INSR: variants seen among roughly 807,000 people sequenced by gnomAD.
INSR encodes IR.
In INSR, 67 loss-of-function variants were observed where a neutral mutation model predicts 142.6. That is an observed-to-expected ratio of 0.47 (90% CI 0.39 to 0.58). INSR has a LOEUF of 0.58. INSR is among the 20% of genes least tolerant of loss of function. INSR has a pLI of 0.00. For synonymous variants in INSR, 756 were observed against 743.1 expected, an observed-to-expected ratio of 1.02 and a Z score of -0.28; for missense variants, 1,248 against 1,833.2, an observed-to-expected ratio of 0.68 and a Z score of 5.83.
At chr19:7,246,875 G>T (rs529681249) in intron 2 of INSR, among the ~76,000 whole-genome samples, 7 of 139,902 alleles carry the variant, frequency 5.0e-5, no homozygotes, top group South Asian at 4.2e-4. Context: ...TTTCAGGGTG[G>T]TTTGTTACAC....
At chr19:7,183,263 G>GGTGTGTGTGT (rs71177167) in intron 3 of INSR, among the ~76,000 whole-genome samples, 3,167 of 146,562 alleles carry the variant, frequency 0.022, 48 homozygotes, top group South Asian at 0.064. Context: ...GTTGTTTTGT[G>GGTGTGTGTGT]GTGTGTGTGT....
chr19:7,153,240 T>C (rs1316727197), intron 9 of INSR, among the ~76,000 whole-genome samples: 24 of 42,474 alleles, frequency 5.7e-4, no homozygotes, highest in African/African-American at 1.7e-3. Context: ...ACACACACCA[T>C]ACACGCACCA....
chr19:7,123,636 G>C (rs1015898745), intron 17 of INSR, among the ~76,000 whole-genome samples: 1 of 152,082 alleles, frequency 6.6e-6, no homozygotes, highest in Non-Finnish European at 1.5e-5. Context: ...AAAGGGTTTG[G>C]AGTCAGCTGG....
chr19:7,239,159 A>G (rs1221690818), intron 2 of INSR, among the ~76,000 whole-genome samples: 1 of 152,194 alleles, frequency 6.6e-6, no homozygotes, highest in Non-Finnish European at 1.5e-5. Context: ...TTCAAGTGAG[A>G]AAAGCAAAGC....
chr19:7,234,694 A>C (rs1209550557), intron 2 of INSR, among the ~76,000 whole-genome samples: 1 of 152,174 alleles, frequency 6.6e-6, no homozygotes, highest in African/African-American at 2.4e-5. Flanking sequence ...GGATCTAAGG[A>C]GGAGATTTCA....
chr19:7,292,570 C>T (rs1335162438), intron 1 of INSR, among the ~76,000 whole-genome samples: 1 of 152,024 alleles, frequency 6.6e-6, no homozygotes, highest in Non-Finnish European at 1.5e-5. Context: ...TACATGCACC[C>T]GTTTCCCCAT....
chr19:7,132,455 A>C, intron 13 of INSR, 138 bp from the exon 14 acceptor site: 1 of 889,706 alleles, frequency 1.1e-6, no homozygotes, highest in Non-Finnish European at 1.8e-6. Context: ...AAGACACATA[A>C]GCGACTTTGA....
Position 7,117,118 on chromosome 19 carries a change from G to A in INSR, c.4087C>T (p.His1363Tyr). 6.2e-7 allele frequency: 1 copy of A among 1,614,154 alleles called. No homozygotes were observed. Among genetic ancestry groups the A allele is most frequent in the South Asian group, 1.1e-5 (1 of 91,084 alleles). ...RSYEEHIPYT[H>Y]MNGGKKNGRI... ...CCGTTTTTCTTGCCTCCGTTCATGT[G>A]TGTGTAAGGGATGTGTTCCTCGTAG... Residue 1363 changes from histidine (H) to tyrosine (Y), a missense_variant, in exon 22 of 22, where the codon CAC becomes TAC. Around this residue, in one of 3 missense-constraint regions of INSR, gnomAD observed 122 missense variants for 129.8 expected, o/e 0.94. Coordinates refer to ENST00000302850, the MANE Select transcript of INSR (RefSeq NM_000208.4).
chr19:7,262,053 G>T (rs1977081020), intron 2 of INSR, among the ~76,000 whole-genome samples: 2 of 152,202 alleles, frequency 1.3e-5, no homozygotes, highest in African/African-American at 4.8e-5. Flanking sequence ...TATCTGAAAA[G>T]ACTCTGGGGG....
chr19:7,162,830 A>C (rs1290881771), intron 9 of INSR, among the ~76,000 whole-genome samples: 2 of 152,158 alleles, frequency 1.3e-5, no homozygotes, highest in African/African-American at 4.8e-5. Context: ...CAAAAAAGTA[A>C]ATAAATAAAA....
chr19:7,162,452 A>G (rs1973777756), intron 9 of INSR, among the ~76,000 whole-genome samples: 1 of 150,520 alleles, frequency 6.6e-6, no homozygotes, highest in African/African-American at 2.4e-5. Context: ...TGGAGGTTGC[A>G]GTGAGCAGAG....
At chr19:7,153,245 G>A (rs1455934574) in intron 9 of INSR, among the ~76,000 whole-genome samples, 17 of 72,602 alleles carry the variant, frequency 2.3e-4, no homozygotes, top group African/African-American at 8.5e-4. Flanking sequence ...CACCATACAC[G>A]CACCACACAC....
Position 7,126,576 on chromosome 19 carries a change from G to C in INSR, c.3013+8C>G. On this transcript the variant is annotated splice_region_variant and intron_variant, in intron 16 of 21. Coordinates refer to ENST00000302850, the MANE Select transcript of INSR (RefSeq NM_000208.4). The stretch of plus-strand genomic sequence containing the variant: ...TCTGGCCACCCACAGGGAAGGGATG[G>C]TACTCACCATCACTGGCACTGAGAT... 1 of 1,555,436 alleles carries C rather than the reference G, an allele frequency of 6.4e-7. No homozygotes were observed. Among genetic ancestry groups the C allele is most frequent in the African/African-American group, 1.4e-5 (1 of 73,602 alleles).
intron 6 of INSR, among the ~76,000 whole-genome samples, chr19:7,169,192 G>A (rs1487629127): frequency 6.6e-6 from 1 of 152,132 alleles, no homozygotes; most frequent in African/African-American, 2.4e-5. Context: ...ACTCAGGGAT[G>A]CATCACCATC....
intron 19 of INSR, among the ~76,000 whole-genome samples, chr19:7,121,904 A>G (rs1972500634): frequency 6.6e-6 from 1 of 152,180 alleles, no homozygotes; most frequent in African/African-American, 2.4e-5. Flanking sequence ...GTGCTTTGGG[A>G]GGCCAACACA....
intron 11 of INSR, among the ~76,000 whole-genome samples, chr19:7,143,971 C>T (rs1973131876): frequency 6.6e-6 from 1 of 151,722 alleles, no homozygotes; most frequent in Non-Finnish European, 1.5e-5. Flanking sequence ...AAGAGAATTG[C>T]TTGAACCCGG....
intron 11 of INSR, among the ~76,000 whole-genome samples, chr19:7,146,523 A>G: frequency 6.6e-6 from 1 of 152,100 alleles, no homozygotes; most frequent in Non-Finnish European, 1.5e-5. Context: ...GATTACAGGC[A>G]TGAGCCACCA....
intron 14 of INSR, among the ~76,000 whole-genome samples, chr19:7,131,881 C>A (rs1972790968): frequency 6.6e-6 from 1 of 151,436 alleles, no homozygotes; most frequent in African/African-American, 2.4e-5. Context: ...CACCTGTAGT[C>A]CCAGCTACTG....
chr19:7,234,260 G>A (rs1976088462), intron 2 of INSR, among the ~76,000 whole-genome samples: 1 of 151,892 alleles, frequency 6.6e-6, no homozygotes, highest in Non-Finnish European at 1.5e-5. Context: ...AGGCTGGAGT[G>A]TAGTGGTGCG....
Sources: gnomAD v4.1 joint callset for allele counts (sites outside exome capture counted in the v4.1 genomes callset) on GRCh38, gnomAD v4.1.1 for gene constraint, gnomAD v4.1.1 regional missense constraint, MANE v1.5 for transcripts, NCBI Gene and HGNC (gene_info 2026-07-23, HGNC 2026-07-21) for gene names.